PROKR2: variants seen among roughly 807,000 people sequenced by gnomAD.
PROKR2 encodes the protein prokineticin receptor 2, also known as G protein-coupled receptor 73-like 1.
Under a neutral mutation model 23.4 loss-of-function variants are expected in PROKR2, and 26 were observed. That is an observed-to-expected ratio of 1.11 (90% CI 0.81 to 1.54). The LOEUF is 1.54. Ranked by LOEUF, PROKR2 falls within the 40% of genes most tolerant of loss-of-function variation. PROKR2 has a pLI of 0.00. For synonymous variants in PROKR2, 212 were observed against 201.2 expected (o/e 1.05, Z -0.45); for missense variants, 453 against 511.5 (o/e 0.89, Z 1.10).
At chr20:5,314,498 G>A (rs1979581767) in intron 1 of PROKR2, 121 bp from the exon 2 acceptor site, 1 of 821,646 alleles carries the variant, frequency 1.2e-6, no homozygotes, top group Admixed American at 2.0e-5. Context: ...CACCGTCCTG[G>A]ATCCTGGAAG....
intron 2 of PROKR2, among the ~76,000 whole-genome samples, chr20:5,305,715 G>C (rs545337743): frequency 6.6e-6 from 1 of 152,310 alleles, no homozygotes; most frequent in East Asian, 1.9e-4. Context: ...GGTAGGTACA[G>C]GAGCGGATAT....
chr20:5,310,867 G>A (rs1040496040), intron 2 of PROKR2, among the ~76,000 whole-genome samples: 4 of 152,232 alleles, frequency 2.6e-5, no homozygotes, highest in African/African-American at 9.6e-5. Flanking sequence ...AGGCACTGTG[G>A]AGAAAGATAG....
chr20:5,309,848 G>C (rs546912539), intron 2 of PROKR2, among the ~76,000 whole-genome samples: 2 of 152,308 alleles, frequency 1.3e-5, no homozygotes, highest in East Asian at 1.9e-4. Context: ...TTATTCTGTT[G>C]TCAATTCTTA....
intron 2 of PROKR2, among the ~76,000 whole-genome samples, chr20:5,307,662 C>T (rs1398400567): frequency 6.6e-6 from 1 of 152,182 alleles, no homozygotes; most frequent in Non-Finnish European, 1.5e-5. Flanking sequence ...CATGGCCACA[C>T]TATGTTCAGC....
intron 2 of PROKR2, among the ~76,000 whole-genome samples, chr20:5,307,857 T>TA (rs1009336736): frequency 6.6e-6 from 1 of 152,116 alleles, no homozygotes; most frequent in Admixed American, 6.5e-5. Context: ...TGGGAAATAA[T>TA]AAAAAAGCAT....
chr20:5,302,530 G>A lies in PROKR2; in HGVS notation c.665C>T (p.Ser222Phe), dbSNP rs1190803620. 1.2e-6 allele frequency: 2 copies of A among 1,614,114 alleles called. No individual in the cohort carries two copies. Among genetic ancestry groups the A allele is most frequent in the African/African-American group, 2.7e-5 (2 of 74,950 alleles). ...WPVDQQLYYK[S>F]YFLFIFGVEF... is the part of the protein sequence containing the mutation. Reference sequence around the variant, plus strand: ...GACACCAAAGATGAAGAGGAAGTAGGACTTGTAGTAGAGCTGCTGATCCAC... The same window carrying A: ...GACACCAAAGATGAAGAGGAAGTAGAACTTGTAGTAGAGCTGCTGATCCAC... The change falls in exon 3 of 3, where the codon TCC becomes TTC. Residue 222 changes from serine (S) to phenylalanine (F), a missense_variant. Ser to Phe is a radical substitution (Grantham distance 155). Coordinates refer to ENST00000678254, the MANE Select transcript of PROKR2 (RefSeq NM_144773.4).
chr20:5,302,467 T>C lies in PROKR2; in HGVS notation c.728A>G (p.Tyr243Cys), dbSNP rs921084722. The C allele has an allele frequency of 5.0e-6, 8 of 1,614,066 alleles. No individual in the cohort carries two copies. The highest frequency in any genetic ancestry group is 1.6e-4 in the Middle Eastern group (1 of 6,084). ...VGPVVTMTLC[Y>C]ARISRELWFK... is the part of the protein sequence containing the mutation. The stretch of plus-strand genomic sequence containing the variant: ...CCAGAGCTCCCGGGAGATCCTGGCA[T>C]AGCACAGGGTCATGGTGACCACAGG... Residue 243 changes from tyrosine (Y) to cysteine (C), a missense_variant, in exon 3 of 3, where the codon TAT (tyrosine) becomes TGT (cysteine). Transcript: ENST00000678254.
At chr20:5,313,868 C>T (rs751719013) in intron 2 of PROKR2, 44 bp downstream of exon 2, 2 of 1,518,442 alleles carry the variant, frequency 1.3e-6, no homozygotes, top group African/African-American at 1.4e-5. Flanking sequence ...AGGAAAGAGA[C>T]AGCCTGGCCC....
At chr20:5,309,296 G>A (rs999616125) in intron 2 of PROKR2, among the ~76,000 whole-genome samples, 6 of 152,196 alleles carry the variant, frequency 3.9e-5, no homozygotes, top group African/African-American at 1.4e-4. Context: ...CGGTTTTGGA[G>A]GTCAGAAGTT....
chr20:5,313,835 G>T, intron 2 of PROKR2, 77 bp downstream of exon 2: 1 of 1,226,636 alleles, frequency 8.2e-7, no homozygotes, highest in South Asian at 1.3e-5. Flanking sequence ...CTGGAGCAAT[G>T]TCAGCCTGTC....
rs1215925410 is a variant in PROKR2 at position 5,316,015 on chromosome 20, T to A, written c.-9+479A>T. ...TCAACGCGGCCGCACTGTCGGCGTC[T>A]AGAGGCGACATCCTGGCAAAGACAG... On this transcript the variant is annotated intron_variant, in intron 1 of 2. Coordinates refer to ENST00000678254, the MANE Select transcript of PROKR2 (RefSeq NM_144773.4). This position sits in a 1 kb window ranked among gnomAD's most constrained non-coding sequence, Gnocchi z 5.0. 1.3e-5 allele frequency: 6 copies of A among 456,554 alleles called. No individual in the cohort carries two copies. The highest frequency in any genetic ancestry group is 2.2e-5 in the Non-Finnish European group (5 of 226,962). The allele number at this position is 456,554 out of a possible 1,614,324, so 28.3% of individuals were successfully genotyped here.
rs1978911765 is a variant in PROKR2, at chr20:5,299,443, G to T, written c.*2597C>A. ...ATCTCCTGATTCGGCTAAGAGCCAGGATAGAATAATAAATAAAAATACAAT... is the reference window on the plus strand; with the variant it reads ...ATCTCCTGATTCGGCTAAGAGCCAGTATAGAATAATAAATAAAAATACAAT... On this transcript the variant is annotated 3_prime_UTR_variant, in exon 3 of 3. Coordinates refer to ENST00000678254, the MANE Select transcript of PROKR2 (RefSeq NM_144773.4). 1.3e-5 allele frequency among the ~76,000 whole-genome samples: 2 copies of T among 151,570 alleles called. No individual in the cohort carries two copies. Among genetic ancestry groups the T allele is most frequent in the South Asian group, 4.2e-4 (2 of 4,808 alleles).
At chr20:5,315,235 G>GAATTCCATGCAAAAAAAAA (rs1330572086) in intron 1 of PROKR2, among the ~76,000 whole-genome samples, 9 of 150,186 alleles carry the variant, frequency 6.0e-5, no homozygotes, top group Non-Finnish European at 1.3e-4. Context: ...ACCAGCTCCA[G>GAATTCCATGCAAAAAAAAA]AAAGAAATCC....
At chr20:5,305,868 A>G (rs1300516450) in intron 2 of PROKR2, among the ~76,000 whole-genome samples, 1 of 152,226 alleles carries the variant, frequency 6.6e-6, no homozygotes, top group Non-Finnish European at 1.5e-5. Flanking sequence ...ACAACCTGGG[A>G]CTATTCAACC....
intron 2 of PROKR2, among the ~76,000 whole-genome samples, chr20:5,306,769 G>T (rs533244648): frequency 1.3e-5 from 2 of 152,156 alleles, no homozygotes; most frequent in African/African-American, 4.8e-5. Flanking sequence ...AAACAAAAAA[G>T]GGGGAGAAAT....
rs549105147 is a variant in PROKR2 at position 5,316,360 on chromosome 20, C to G, written c.-9+134G>C. The G allele has an allele frequency of 3.3e-5, 15 of 456,554 alleles. No homozygotes were observed. The East Asian group carries it at 4.2e-4, about 13-fold the overall frequency. 28.3% of individuals were successfully genotyped at this position (456,554 alleles called of 1,614,324 possible). A position where few individuals can be genotyped will look rare whatever the true frequency, so the allele number is the denominator to read the frequency against. Reference sequence around the variant, plus strand: ...CTCGCCTGCTTGGAGCCAGCCCCGACGCATATCTCGAGAGTGGCGGGAGGC... The same window carrying G: ...CTCGCCTGCTTGGAGCCAGCCCCGAGGCATATCTCGAGAGTGGCGGGAGGC... On this transcript the variant is annotated intron_variant, in intron 1 of 2. Transcript: ENST00000678254. The surrounding 1 kb of genome is among the most constrained non-coding windows in gnomAD (Gnocchi z 5.0).
In PROKR2 at chr20:5,300,098, T is replaced by A. The variant is rs7270052; in HGVS notation, c.*1942A>T. Among the ~76,000 whole-genome samples, 111,247 of 152,158 alleles carry A rather than the reference T, an allele frequency of 0.73. 40,654 individuals are homozygous for A. The highest frequency in any genetic ancestry group is 0.77 in the South Asian group (3,713 of 4,826). ...AAAATTAGGAATTGGTCAAATATGG[T>A]TGGGTCAGTCCCAAACCAGGTACCA... On this transcript the variant is annotated 3_prime_UTR_variant, in exon 3 of 3. Coordinates refer to ENST00000678254, the MANE Select transcript of PROKR2 (RefSeq NM_144773.4).
At chr20:5,306,285 A>G (rs1007262733) in intron 2 of PROKR2, among the ~76,000 whole-genome samples, 27 of 152,272 alleles carry the variant, frequency 1.8e-4, no homozygotes, top group Admixed American at 2.0e-4. Context: ...TAATTAAGAA[A>G]AAAATCAGGT....
rs557848565 is a variant in PROKR2, at chr20:5,316,077, C to A, written c.-9+417G>T. 1 of 456,770 alleles carries A rather than the reference C, an allele frequency of 2.2e-6. No individual in the cohort carries two copies. The highest frequency in any genetic ancestry group is 4.4e-6 in the Non-Finnish European group (1 of 226,984). 28.3% of individuals were successfully genotyped at this position (456,770 alleles called of 1,614,324 possible). A position where few individuals can be genotyped will look rare whatever the true frequency, so the allele number is the denominator to read the frequency against. ...GAAATTCAGGCTCTAGAAGCAAAGG[C>A]TGCGGTGCCTCCTGGCTGGAAGAAA... On this transcript the variant is annotated intron_variant, in intron 1 of 2. Transcript: ENST00000678254. The surrounding 1 kb of genome is among the most constrained non-coding windows in gnomAD (Gnocchi z 5.0).
Sources: gnomAD v4.1 joint callset for allele counts (sites outside exome capture counted in the v4.1 genomes callset) on GRCh38, gnomAD v4.1.1 for gene constraint, Gnocchi (gnomAD v3.1) non-coding constraint, MANE v1.5 for transcripts, NCBI Gene and HGNC (gene_info 2026-07-23, HGNC 2026-07-21) for gene names.